Variants in PCDHA6 observed in about 807,000 individuals in gnomAD.
The protein encoded by PCDHA6 is protocadherin alpha-6.
PCDHA6 carries 55 observed loss-of-function variants against 60.3 expected under a neutral mutation model. That is an observed-to-expected ratio of 0.91 (90% CI 0.73 to 1.14). PCDHA6 has a LOEUF of 1.14. Among genes scored for constraint, PCDHA6 ranks in the 50% most tolerant of loss-of-function variants. PCDHA6 has a pLI of 0.00. For missense variants in PCDHA6, 1,327 were observed against 1,256.5 expected, an observed-to-expected ratio of 1.06 and a Z score of -0.85; for synonymous variants, 652 against 557.9, an observed-to-expected ratio of 1.17 and a Z score of -2.38.
chr5:140,845,477 G>A (rs2150379213), intron 1 of PCDHA6, among the ~76,000 whole-genome samples: 4 of 149,604 alleles, frequency 2.7e-5, no homozygotes, highest in Non-Finnish European at 6.0e-5. Flanking sequence ...ATTTGGGGTT[G>A]TGCTTTCACA....
Position 140,850,162 on chromosome 5 carries a change from T to A in PCDHA6, c.2394+19677T>A. On this transcript the variant is annotated intron_variant, in intron 1 of 3. Transcript: ENST00000529310. ...AACGTGACGCTGCAGGTGTTCGTGCTGGACGAGAACGACAATGCGCCGGCG... is the reference window on the plus strand; with the variant it reads ...AACGTGACGCTGCAGGTGTTCGTGCAGGACGAGAACGACAATGCGCCGGCG... 8.8e-6 allele frequency: 14 copies of A among 1,595,026 alleles called. 2 individuals carry two copies. The highest frequency in any genetic ancestry group is 1.2e-5 in the Non-Finnish European group (14 of 1,167,802).
In PCDHA6 at chr5:141,011,182, G is replaced by C. The variant is rs887034679; in HGVS notation, c.*1245G>C. The C allele has an allele frequency of 6.5e-6, 1 of 153,494 alleles. No individual in the cohort carries two copies. Among genetic ancestry groups the C allele is most frequent in the African/African-American group, 2.4e-5 (1 of 41,364 alleles). The allele number at this position is 153,494 out of a possible 1,614,324, so 9.5% of individuals were successfully genotyped here. A position where few individuals can be genotyped will look rare whatever the true frequency, so the allele number is the denominator to read the frequency against. On this transcript the variant is annotated 3_prime_UTR_variant, in exon 4 of 4. Coordinates refer to ENST00000529310, the MANE Select transcript of PCDHA6 (RefSeq NM_018909.4). The stretch of plus-strand genomic sequence containing the variant: ...TATATATCAAGACCCAAAAATTGAA[G>C]AAAAATATTGTTTTCTCATACAGTG...
At chr5:140,929,530 G>A in intron 1 of PCDHA6, 1 of 636,248 alleles carries the variant, frequency 1.6e-6, no homozygotes, top group Non-Finnish European at 2.3e-6. Flanking sequence ...GTTTATTTTT[G>A]AGAAACAAGG....
intron 1 of PCDHA6, chr5:140,929,043 C>T: frequency 6.2e-7 from 1 of 1,614,196 alleles, no homozygotes; most frequent in South Asian, 1.1e-5. Flanking sequence ...GCGCTCAGAG[C>T]TGCTGTCGCT....
intron 3 of PCDHA6, among the ~76,000 whole-genome samples, chr5:140,985,006 C>T (rs892412151): frequency 1.3e-5 from 2 of 151,922 alleles, no homozygotes; most frequent in South Asian, 2.1e-4. Context: ...GGCACGATAT[C>T]GGCTCACAGC....
chr5:140,854,158 T>C, intron 1 of PCDHA6: 3 of 123,422 alleles, frequency 2.4e-5, no homozygotes, highest in Non-Finnish European at 3.1e-5. Flanking sequence ...AGATTCTGTC[T>C]CAAAAAAAAA....
chr5:140,962,764 T>C (rs946789298), intron 1 of PCDHA6, among the ~76,000 whole-genome samples: 7 of 152,226 alleles, frequency 4.6e-5, no homozygotes, highest in African/African-American at 1.7e-4. Flanking sequence ...TATTCGTTTT[T>C]AACAAGATGG....
At chr5:140,928,671 T>C in intron 1 of PCDHA6, 7 of 1,614,214 alleles carry the variant, frequency 4.3e-6, no homozygotes, top group Non-Finnish European at 5.9e-6. Context: ...GTGGTTCTAA[T>C]GCCTGGCTTT....
rs1026092245 is a variant in PCDHA6 at position 140,987,228 on chromosome 5, T to A, written c.2542+4665T>A. On this transcript the variant is annotated intron_variant, in intron 3 of 3. Transcript: ENST00000529310. The stretch of plus-strand genomic sequence containing the variant: ...GACTCCATCTCAAAAAAAAAAAAAA[T>A]AATAAATAAAGAAAGAAAGACATTC... Among the ~76,000 whole-genome samples, 392 of 149,148 alleles carry A rather than the reference T, an allele frequency of 2.6e-3. 1 individual carries two copies. Among genetic ancestry groups the A allele is most frequent in the African/African-American group, 8.3e-3 (336 of 40,458 alleles).
intron 1 of PCDHA6, among the ~76,000 whole-genome samples, chr5:140,872,927 T>A (rs1020178513): frequency 3.9e-5 from 6 of 152,216 alleles, no homozygotes; most frequent in African/African-American, 1.4e-4. Flanking sequence ...TTATCTCTAA[T>A]GTTTTTGAAA....
chr5:140,904,416 A>T (rs930452191), intron 1 of PCDHA6, among the ~76,000 whole-genome samples: 1 of 150,980 alleles, frequency 6.6e-6, no homozygotes, highest in Non-Finnish European at 1.5e-5. Context: ...TATATAATAC[A>T]TATATTTTAT....
intron 1 of PCDHA6, among the ~76,000 whole-genome samples, chr5:140,920,083 G>A (rs536573725): frequency 3.3e-5 from 5 of 152,260 alleles, no homozygotes; most frequent in East Asian, 1.9e-4. Flanking sequence ...CAGATTCTCC[G>A]TAGAGCCTCT....
In PCDHA6 at chr5:140,927,952, G is replaced by C. The variant is rs1352026553; in HGVS notation, c.2395-50997G>C. 6 of 1,614,064 alleles carry C rather than the reference G, an allele frequency of 3.7e-6. No homozygotes were observed. In the African/African-American group the frequency reaches 8.0e-5, roughly 22 times the overall value. On this transcript the variant is annotated intron_variant, in intron 1 of 3. Coordinates refer to ENST00000529310, the MANE Select transcript of PCDHA6 (RefSeq NM_018909.4). ...TTCGAACCCAGTACCTGAGGACGCTGCCCCTGGCACAGTGATTGCTCTCTT... is the reference window on the plus strand; with the variant it reads ...TTCGAACCCAGTACCTGAGGACGCTCCCCCTGGCACAGTGATTGCTCTCTT...
At chr5:140,876,750 T>C (rs2056553251) in intron 1 of PCDHA6, 7 of 1,614,238 alleles carry the variant, frequency 4.3e-6, no homozygotes, top group African/African-American at 1.3e-5. Flanking sequence ...TGGTGGTGAC[T>C]GCGCGGGATG....
intron 1 of PCDHA6, chr5:140,835,897 C>T (rs2150247732): frequency 2.5e-6 from 4 of 1,612,078 alleles, no homozygotes; most frequent in Non-Finnish European, 3.4e-6. Context: ...CGCGCGCTGT[C>T]GAGCTACGTG....
In PCDHA6 at chr5:140,919,389, T is replaced by C. The variant is rs1042186256; in HGVS notation, c.2395-59560T>C. 3.9e-5 allele frequency among the ~76,000 whole-genome samples: 6 copies of C among 152,360 alleles called. No homozygotes were observed. The East Asian group carries it at 1.2e-3, about 29-fold the overall frequency. ...CTGCAGACAACACATAGTTGGATGTTGTTTTCCTAAAAACTCTAGACTGAC... is the reference window on the plus strand; with the variant it reads ...CTGCAGACAACACATAGTTGGATGTCGTTTTCCTAAAAACTCTAGACTGAC... On this transcript the variant is annotated intron_variant, in intron 1 of 3. Coordinates refer to ENST00000529310, the MANE Select transcript of PCDHA6 (RefSeq NM_018909.4).
chr5:140,836,708 C>T (rs1774690824), intron 1 of PCDHA6: 1 of 1,613,072 alleles, frequency 6.2e-7, no homozygotes, highest in Non-Finnish European at 8.5e-7. Flanking sequence ...TCAGTCCCAG[C>T]CTTCCTCAGG....
chr5:140,871,287 G>C (rs782751803), intron 1 of PCDHA6: 2 of 1,613,932 alleles, frequency 1.2e-6, no homozygotes, highest in Middle Eastern at 1.7e-4. Context: ...CGCCCACTGA[G>C]GGCGCGTGCG....
At chr5:140,836,236 C>T (rs2150256110) in intron 1 of PCDHA6, 1 of 1,613,794 alleles carries the variant, frequency 6.2e-7, no homozygotes, top group East Asian at 2.2e-5. Flanking sequence ...GCGGCCGGTG[C>T]GAGCATCCCG....
Sources: allele counts gnomAD v4.1 joint callset (sites outside exome capture counted in the v4.1 genomes callset), GRCh38; gene constraint gnomAD v4.1.1; transcripts MANE v1.5; gene names NCBI Gene and HGNC (gene_info 2026-07-23, HGNC 2026-07-21).